Variants in DLGAP2 observed in about 807,000 individuals in gnomAD.
DLGAP2 encodes DLG associated protein 2.
A neutral mutation model predicts 100.3 loss-of-function variants in DLGAP2; 26 were observed. That is an observed-to-expected ratio of 0.26 (90% CI 0.19 to 0.36). The LOEUF is 0.36. Ranked by LOEUF, DLGAP2 falls within the 10% of genes least tolerant of loss-of-function variation. The pLI is 1.00. For missense variants in DLGAP2, 1,858 were observed against 1,453.2 expected (o/e 1.28, Z -4.53); for synonymous variants, 886 against 630.1 (o/e 1.41, Z -6.08).
At chr8:1,117,969 C>T (rs1795933600) in intron 2 of DLGAP2, among the ~76,000 whole-genome samples, 1 of 152,004 alleles carries the variant, frequency 6.6e-6, no homozygotes, top group Non-Finnish European at 1.5e-5. Flanking sequence ...TACCGTTTTC[C>T]AGATGGAATA....
intron 2 of DLGAP2, among the ~76,000 whole-genome samples, chr8:1,110,022 G>T (rs1804896841): frequency 7.1e-6 from 1 of 140,438 alleles, no homozygotes; most frequent in Non-Finnish European, 1.5e-5. Context: ...CTGGGTCTGT[G>T]AGGTGTGCAC....
At chr8:1,223,924 T>C (rs1029463037) in intron 2 of DLGAP2, among the ~76,000 whole-genome samples, 5 of 152,240 alleles carry the variant, frequency 3.3e-5, no homozygotes, top group African/African-American at 9.6e-5. Context: ...GACATACTCC[T>C]TGTTGTTAAA....
intron 4 of DLGAP2, among the ~76,000 whole-genome samples, chr8:1,535,006 C>T (rs1274403393): frequency 6.6e-6 from 1 of 152,234 alleles, no homozygotes; most frequent in Non-Finnish European, 1.5e-5. Flanking sequence ...GCACTGTTTT[C>T]GTGTCCCAAG....
intron 6 of DLGAP2, among the ~76,000 whole-genome samples, chr8:1,597,832 T>C (rs2956939): frequency 0.28 from 43,150 of 152,106 alleles, 6,715 homozygotes; most frequent in East Asian, 0.5. Context: ...AATTTGACTT[T>C]CTCTTTTCCT....
chr8:903,009 GGGCA>G (rs1798293879), intron 1 of DLGAP2, among the ~76,000 whole-genome samples: 1 of 128,008 alleles, frequency 7.8e-6, no homozygotes, highest in African/African-American at 2.9e-5. Flanking sequence ...GTGTGTGGGT[GGGCA>G]GGGGTGGGGG....
chr8:1,212,312 T>G (rs1049522599), intron 2 of DLGAP2, among the ~76,000 whole-genome samples: 2 of 152,114 alleles, frequency 1.3e-5, no homozygotes, highest in Admixed American at 6.6e-5. Flanking sequence ...AAGAAAACAT[T>G]AGGAAGGTTT....
chr8:1,497,006 T>A (rs563290385), intron 3 of DLGAP2, among the ~76,000 whole-genome samples: 1 of 152,192 alleles, frequency 6.6e-6, no homozygotes, highest in East Asian at 1.9e-4. Context: ...TTACGGGGTC[T>A]CCAGGTCACA....
At chr8:1,524,711 A>G (rs1043461193) in intron 4 of DLGAP2, among the ~76,000 whole-genome samples, 3 of 152,130 alleles carry the variant, frequency 2.0e-5, no homozygotes, top group African/African-American at 7.2e-5. Flanking sequence ...CCAAGGGTAC[A>G]AGTGACGTCA....
chr8:1,246,317 C>T (rs1434368956), intron 2 of DLGAP2, among the ~76,000 whole-genome samples: 3 of 152,196 alleles, frequency 2.0e-5, no homozygotes, highest in African/African-American at 7.2e-5. Flanking sequence ...ATTCACAGTT[C>T]TGTTTAAGAA....
intron 3 of DLGAP2, among the ~76,000 whole-genome samples, chr8:1,472,387 G>A (rs1336738895): frequency 6.6e-6 from 1 of 152,148 alleles, no homozygotes; most frequent in Non-Finnish European, 1.5e-5. Context: ...CCTTGCAGTT[G>A]GTTTTGTTAT....
At chr8:1,149,321 G>T (rs1404198066) in intron 2 of DLGAP2, among the ~76,000 whole-genome samples, 3 of 151,896 alleles carry the variant, frequency 2.0e-5, no homozygotes, top group African/African-American at 2.4e-5. Flanking sequence ...AATTTTTTTT[G>T]TATTTTTAGT....
chr8:1,512,247 A>C (rs1346574503), intron 4 of DLGAP2, among the ~76,000 whole-genome samples: 2 of 152,326 alleles, frequency 1.3e-5, no homozygotes, highest in East Asian at 3.9e-4. Flanking sequence ...CCTCCCCATA[A>C]ATTTCAAAGA....
At chr8:801,880 G>C (rs908139715) in intron 1 of DLGAP2, among the ~76,000 whole-genome samples, 19 of 149,938 alleles carry the variant, frequency 1.3e-4, no homozygotes, top group Non-Finnish European at 1.5e-5. Context: ...GCCTGACCCT[G>C]TTGTCTTCAC....
In DLGAP2 at chr8:1,556,857, C is replaced by T. The variant is rs557043668; in HGVS notation, c.1230+7174C>T. Among the ~76,000 whole-genome samples the T allele has an allele frequency of 1.3e-4, 20 of 152,328 alleles. 1 individual carries two copies. Among genetic ancestry groups the T allele is most frequent in the African/African-American group, 4.6e-4 (19 of 41,580 alleles). The stretch of plus-strand genomic sequence containing the variant: ...GTAGGGACACCAGGGTGGATTTGAG[C>T]AGCATCGCGAAGATCTCTTCAGCTG... On this transcript the variant is annotated intron_variant, in intron 5 of 14. Coordinates refer to ENST00000637795, the MANE Select transcript of DLGAP2 (RefSeq NM_001346810.2).
At chr8:1,004,487 T>TA (rs1026809080) in intron 2 of DLGAP2, among the ~76,000 whole-genome samples, 2 of 152,222 alleles carry the variant, frequency 1.3e-5, no homozygotes, top group African/African-American at 4.8e-5. Context: ...ATATTCAAAA[T>TA]AGAGTCGGCC....
intron 3 of DLGAP2, among the ~76,000 whole-genome samples, chr8:1,277,184 T>A (rs1037777425): frequency 4.6e-5 from 7 of 152,218 alleles, no homozygotes; most frequent in African/African-American, 1.7e-4. Flanking sequence ...TCATTCAAAG[T>A]GTGGCTATTT....
At chr8:1,137,542 C>T (rs559167195) in intron 2 of DLGAP2, 15 of 152,262 alleles carry the variant, frequency 9.9e-5, no homozygotes, top group Admixed American at 2.0e-4. Flanking sequence ...TAATTGACTA[C>T]GATGGGTGAT....
intron 2 of DLGAP2, among the ~76,000 whole-genome samples, chr8:1,036,731 G>C (rs964710442): frequency 1.2e-4 from 19 of 152,162 alleles, no homozygotes; most frequent in Non-Finnish European, 4.4e-5. Context: ...ACAGCTCCCA[G>C]CTGTAGCGGA....
At chr8:815,643 AAT>A (rs1255529399) in intron 1 of DLGAP2, among the ~76,000 whole-genome samples, 1 of 152,240 alleles carries the variant, frequency 6.6e-6, no homozygotes, top group African/African-American at 2.4e-5. Context: ...TAGATTGGTA[AAT>A]AATGCCTTAA....
Sources: allele counts gnomAD v4.1 joint callset (sites outside exome capture counted in the v4.1 genomes callset), GRCh38; gene constraint gnomAD v4.1.1; transcripts MANE v1.5; gene names NCBI Gene and HGNC (gene_info 2026-07-23, HGNC 2026-07-21).